Variants in WSB1 observed in about 807,000 individuals in gnomAD.
WSB1 encodes WD repeat and SOCS box containing 1, also known as WD repeat and SOCS box-containing protein 1.
WSB1 carries 23 observed loss-of-function variants against 50.2 expected under a neutral mutation model. That is an observed-to-expected ratio of 0.46 (90% CI 0.33 to 0.65). The LOEUF (loss-of-function observed/expected upper bound fraction) is 0.65, where lower values mean the gene tolerates loss of function less well. Among genes scored for constraint, WSB1 ranks in the 30% least tolerant of loss-of-function variants. WSB1 has a pLI of 0.02. For synonymous variants in WSB1, 179 were observed against 172.0 expected (o/e 1.04, Z -0.32); for missense variants, 492 against 522.3 (o/e 0.94, Z 0.56).
intron 1 of WSB1, 142 bp from the exon 2 acceptor site, chr17:27,301,646 C>G (rs953507290): frequency 4.1e-6 from 3 of 723,128 alleles, no homozygotes; most frequent in Non-Finnish European, 6.6e-6. Context: ...TGCATACCCC[C>G]CGTTAGAGGA....
chr17:27,309,224 G>A lies in WSB1; in HGVS notation c.836G>A (p.Arg279Gln), dbSNP rs774909949. 43 of 1,611,906 alleles carry A rather than the reference G, an allele frequency of 2.7e-5. No homozygotes were observed. The highest frequency in any genetic ancestry group is 6.7e-5 in the East Asian group (3 of 44,796). ...CTGGCTACTGCATCTTATGATACTCGAGTATATATCTGGGATCCACATAAT... is the reference window on the plus strand; with the variant it reads ...CTGGCTACTGCATCTTATGATACTCAAGTATATATCTGGGATCCACATAAT... ...ALLATASYDT[R>Q]VYIWDPHNGD... Residue 279 changes from arginine (R) to glutamine (Q), a missense_variant, in exon 6 of 9, where the codon CGA becomes CAA. Coordinates refer to ENST00000262394, the MANE Select transcript of WSB1 (RefSeq NM_015626.10).
At chr17:27,302,009 T>A in intron 2 of WSB1, 53 bp downstream of exon 2, 1 of 1,501,786 alleles carries the variant, frequency 6.7e-7, no homozygotes, top group Admixed American at 2.4e-5. Flanking sequence ...TTTACCATTT[T>A]CTCTCAGTGT....
rs544934290 is a variant in WSB1 at position 27,315,650 on chromosome 17, A to T, written c.*3281A>T. The stretch of plus-strand genomic sequence containing the variant: ...GCCTGAAACCATTGAGACAGTGATT[A>T]CAACCTCCATATTAATCAGATGAGG... On this transcript the variant is annotated 3_prime_UTR_variant, in exon 9 of 9. Coordinates refer to ENST00000262394, the MANE Select transcript of WSB1 (RefSeq NM_015626.10). The T allele has an allele frequency of 6.6e-6, 1 of 152,354 alleles. No homozygotes were observed. Among genetic ancestry groups the T allele is most frequent in the South Asian group, 2.1e-4 (1 of 4,824 alleles). 9.4% of individuals were successfully genotyped at this position (152,354 alleles called of 1,614,324 possible).
intron 6 of WSB1, among the ~76,000 whole-genome samples, chr17:27,309,588 GA>G (rs1312975464): frequency 7.4e-6 from 1 of 134,924 alleles, no homozygotes. Flanking sequence ...AATCATAAAA[GA>G]TTTTTTTTTT....
rs1256811744 is a variant in WSB1 at position 27,313,650 on chromosome 17, T to C, written c.*1281T>C. 3 of 152,406 alleles carry C rather than the reference T, an allele frequency of 2.0e-5. No homozygotes were observed. The highest frequency in any genetic ancestry group is 7.2e-5 in the African/African-American group (3 of 41,422). 9.4% of individuals were successfully genotyped at this position (152,406 alleles called of 1,614,324 possible). A position where few individuals can be genotyped will look rare whatever the true frequency, so the allele number is the denominator to read the frequency against. On this transcript the variant is annotated 3_prime_UTR_variant, in exon 9 of 9. Transcript: ENST00000262394. ...AAAAAAACAGTATATTGCAAATGTTTCTTAAATAGGTTAGGTGGAGTACTT... is the reference window on the plus strand; with the variant it reads ...AAAAAAACAGTATATTGCAAATGTTCCTTAAATAGGTTAGGTGGAGTACTT...
At chr17:27,308,625 C>T in intron 5 of WSB1, 9 of 985,958 alleles carry the variant, frequency 9.1e-6, no homozygotes, top group Non-Finnish European at 1.1e-5. Context: ...TGACCCAAGC[C>T]TATTGTAAAC....
intron 5 of WSB1, chr17:27,307,501 G>A (rs2017509329): frequency 1.9e-6 from 1 of 534,788 alleles, no homozygotes. Flanking sequence ...TTTATAAAAT[G>A]GTTGAAGTCC....
At chr17:27,301,401 T>A (rs2017223462) in intron 1 of WSB1, among the ~76,000 whole-genome samples, 1 of 152,226 alleles carries the variant, frequency 6.6e-6, no homozygotes, top group South Asian at 2.1e-4. Flanking sequence ...GAAGATACTT[T>A]TCCTGCCAAC....
In WSB1 at chr17:27,310,120, G is replaced by A. The variant is rs752034981; in HGVS notation, c.944G>A (p.Arg315Gln). The A allele has an allele frequency of 1.4e-5, 23 of 1,613,964 alleles. No homozygotes were observed. Among genetic ancestry groups the A allele is most frequent in the Admixed American group, 1.0e-4 (6 of 59,998 alleles). ...FAGGANDRWV[R>Q]SVSFSHDGLH... ...GGAGGAGCAAATGACCGGTGGGTAC[G>A]ATCTGTATCTTTTAGCCATGATGGA... is the stretch of plus-strand genomic sequence containing the variant. The change falls in exon 7 of 9, where the codon CGA (arginine) becomes CAA (glutamine). Residue 315 changes from arginine to glutamine, a missense_variant. By Grantham distance (43) the Arg-to-Gln change is conservative (BLOSUM62 1). Coordinates refer to ENST00000262394, the MANE Select transcript of WSB1 (RefSeq NM_015626.10).
In WSB1 at chr17:27,312,427, A is replaced by G; in HGVS notation, c.*58A>G. The stretch of plus-strand genomic sequence containing the variant: ...CAGAATACACTTAACACAAACCTCA[A>G]GCTTTACTGACTTCAATTATCTGTT... On this transcript the variant is annotated 3_prime_UTR_variant, in exon 9 of 9. Transcript: ENST00000262394. The G allele has an allele frequency of 1.3e-6, 2 of 1,572,738 alleles. No homozygotes were observed. The highest frequency in any genetic ancestry group is 1.7e-6 in the Non-Finnish European group (2 of 1,165,296).
chr17:27,312,130 TGG>T lies in WSB1; in HGVS notation c.1107-78_1107-77del, dbSNP rs1383100433. 8 of 1,523,620 alleles carry T rather than the reference TGG, an allele frequency of 5.3e-6. No individual in the cohort carries two copies. The African/African-American group carries it at 1.1e-4, about 21-fold the overall frequency. 94.4% of individuals were successfully genotyped at this position (1,523,620 alleles called of 1,614,324 possible). On this transcript the variant is annotated intron_variant, in intron 8 of 8. Coordinates refer to ENST00000262394, the MANE Select transcript of WSB1 (RefSeq NM_015626.10). ...TTGTGACTCCACTACTCACATGTAT[TGG>T]GTGATAGTTGTTTGAGCTGTAGCAA...
intron 2 of WSB1, chr17:27,302,880 T>G (rs1460149302): frequency 6.5e-6 from 1 of 153,960 alleles, no homozygotes; most frequent in African/African-American, 2.4e-5. Flanking sequence ...CAGACCTTCA[T>G]GGTTATAGTC....
At chr17:27,307,566 T>C (rs577828226) in intron 5 of WSB1, 2 of 619,072 alleles carry the variant, frequency 3.2e-6, no homozygotes, top group African/African-American at 3.7e-5. Flanking sequence ...GGGAGGCTAG[T>C]TGAAATGCAT....
In WSB1 at chr17:27,303,434, G is replaced by T. The variant is rs1336047514; in HGVS notation, c.277G>T (p.Gly93Cys). 6.2e-7 allele frequency: 1 copy of T among 1,613,940 alleles called. No individual in the cohort carries two copies. The highest frequency in any genetic ancestry group is 8.5e-7 in the Non-Finnish European group (1 of 1,180,032). ...AAGATTGCCAAGACAAAATAGTGAT[G>T]GTGGTCAGAAAAATAAGCCTCGTGA... is the stretch of plus-strand genomic sequence containing the variant. The part of the protein sequence containing the change: ...SLRLPRQNSD[G>C]GQKNKPREHI... The change falls in exon 3 of 9, where the codon GGT (glycine) becomes TGT (cysteine). Residue 93 changes from glycine to cysteine, a missense_variant. Physicochemically the swap from Gly to Cys is radical, Grantham distance 159. Transcript: ENST00000262394.
At chr17:27,296,767 C>CCTTT (rs2016997727) in intron 1 of WSB1, among the ~76,000 whole-genome samples, 1 of 152,178 alleles carries the variant, frequency 6.6e-6, no homozygotes. Context: ...CCCATGGCAG[C>CCTTT]CTTTCCCTTA....
intron 5 of WSB1, chr17:27,308,688 C>T (rs2017553212): frequency 5.1e-6 from 5 of 986,400 alleles, no homozygotes; most frequent in Non-Finnish European, 6.0e-6. Context: ...GTTAACCTTA[C>T]GTTTTCTGTC....
intron 8 of WSB1, 33 bp from the exon 9 acceptor site, chr17:27,312,177 G>C (rs756704909): frequency 6.3e-7 from 1 of 1,587,952 alleles, no homozygotes; most frequent in East Asian, 2.2e-5. Context: ...ACATATACTT[G>C]GGTGACTAAG....
At chr17:27,297,672 T>A (rs2017036757) in intron 1 of WSB1, among the ~76,000 whole-genome samples, 1 of 152,076 alleles carries the variant, frequency 6.6e-6, no homozygotes, top group African/African-American at 2.4e-5. Flanking sequence ...CCCAGGCTGG[T>A]CTCAAACTCA....
At position 27,294,404 on chromosome 17, in the gene WSB1, C is replaced by G; in HGVS notation, c.9C>G (p.Ser3Arg). The G allele has an allele frequency of 6.2e-6, 10 of 1,613,794 alleles. No individual in the cohort carries two copies. Among genetic ancestry groups the G allele is most frequent in the Non-Finnish European group, 8.5e-6 (10 of 1,179,808 alleles). MA[S>R]FPPRVNEKEI... ...CAGACGGTGCCCCATAGATGGCCAGCTTTCCCCCGAGGGTCAACGAGAAAG... is the reference window on the plus strand; with the variant it reads ...CAGACGGTGCCCCATAGATGGCCAGGTTTCCCCCGAGGGTCAACGAGAAAG... Residue 3 changes from serine (S) to arginine (R), a missense_variant, in exon 1 of 9, where the codon AGC (serine) becomes AGG (arginine). Physicochemically the swap from Ser to Arg is moderately radical, Grantham distance 110. Coordinates refer to ENST00000262394, the MANE Select transcript of WSB1 (RefSeq NM_015626.10).
Sources: allele counts gnomAD v4.1 joint callset (sites outside exome capture counted in the v4.1 genomes callset), GRCh38; gene constraint gnomAD v4.1.1; transcripts MANE v1.5; gene names NCBI Gene and HGNC (gene_info 2026-07-23, HGNC 2026-07-21).